Variants in JPH2 observed in about 807,000 individuals in gnomAD.
JPH2 encodes junctophilin 2.
In JPH2, 38 loss-of-function variants were observed where a neutral mutation model predicts 55.9. That is an observed-to-expected ratio of 0.68 (90% CI 0.52 to 0.89). The LOEUF (loss-of-function observed/expected upper bound fraction) is 0.89. JPH2 is among the 40% of genes least tolerant of loss of function. JPH2 has a pLI of 0.00. For missense variants in JPH2, 964 were observed against 1,037.6 expected (o/e 0.93, Z 0.97); for synonymous variants, 480 against 472.4 (o/e 1.02, Z -0.21).
intron 2 of JPH2, among the ~76,000 whole-genome samples, chr20:44,144,800 G>C (rs1242788660): frequency 6.6e-6 from 1 of 152,232 alleles, no homozygotes; most frequent in Non-Finnish European, 1.5e-5. Flanking sequence ...CATGAAATGA[G>C]ACATAGAAGG....
At chr20:44,174,547 G>C (rs570257588) in intron 1 of JPH2, among the ~76,000 whole-genome samples, 1 of 152,336 alleles carries the variant, frequency 6.6e-6, no homozygotes, top group Admixed American at 6.5e-5. Flanking sequence ...GCCAAGGCAG[G>C]CAGATCACTT....
intron 2 of JPH2, among the ~76,000 whole-genome samples, chr20:44,145,374 G>A (rs1344732286): frequency 6.6e-6 from 1 of 152,150 alleles, no homozygotes; most frequent in Non-Finnish European, 1.5e-5. Flanking sequence ...GGAGGCCGAG[G>A]TGGGCGGATC....
At chr20:44,173,751 T>A (rs1012871478) in intron 1 of JPH2, among the ~76,000 whole-genome samples, 1 of 152,074 alleles carries the variant, frequency 6.6e-6, no homozygotes, top group African/African-American at 2.4e-5. Context: ...CTGTCTCTAC[T>A]AAAAACACAA....
intron 2 of JPH2, among the ~76,000 whole-genome samples, chr20:44,157,928 AC>A (rs1280857467): frequency 1.3e-4 from 20 of 152,010 alleles, no homozygotes; most frequent in Non-Finnish European, 2.9e-5. Context: ...CTGCTCCTGT[AC>A]CCCACTTTTG....
At chr20:44,131,914 C>G (rs2072321734) in intron 2 of JPH2, among the ~76,000 whole-genome samples, 1 of 152,186 alleles carries the variant, frequency 6.6e-6, no homozygotes, top group African/African-American at 2.4e-5. Context: ...CTTCAGGACC[C>G]TACCCCAGGA....
intron 2 of JPH2, among the ~76,000 whole-genome samples, chr20:44,125,724 G>A (rs543881158): frequency 5.3e-5 from 8 of 152,240 alleles, no homozygotes; most frequent in South Asian, 2.1e-4. Context: ...GCAAAGAGGC[G>A]GTAACTCTGG....
intron 2 of JPH2, among the ~76,000 whole-genome samples, chr20:44,157,182 A>T (rs1287967425): frequency 6.6e-6 from 1 of 152,112 alleles, no homozygotes; most frequent in Non-Finnish European, 1.5e-5. Context: ...TTCAGGACTG[A>T]AGGACTTATT....
At chr20:44,138,324 C>T (rs570804894) in intron 2 of JPH2, among the ~76,000 whole-genome samples, 19 of 139,768 alleles carry the variant, frequency 1.4e-4, no homozygotes, top group Middle Eastern at 7.2e-3. Flanking sequence ...AGCTTTAATG[C>T]GTCTCTTACA....
intron 1 of JPH2, chr20:44,177,731 G>A (rs529588481): frequency 2.0e-4 from 273 of 1,385,768 alleles, no homozygotes; most frequent in Non-Finnish European, 2.2e-4. Flanking sequence ...AGAACTAAGC[G>A]AATCAAAGTC....
rs568246006 is a variant in JPH2 at position 44,110,984 on chromosome 20, C to G, written c.*2534G>C. Among the ~76,000 whole-genome samples the G allele has an allele frequency of 9.9e-5, 15 of 152,282 alleles. No homozygotes were observed. The highest frequency in any genetic ancestry group is 7.2e-4 in the Admixed American group (11 of 15,296). On this transcript the variant is annotated 3_prime_UTR_variant, in exon 6 of 6. Coordinates refer to ENST00000372980, the MANE Select transcript of JPH2 (RefSeq NM_020433.5). Reference sequence around the variant, plus strand: ...GAGGGACCTTCTTCTCCAACCCCCTCGCTGGGAACCACCGGCTGTGAGAGT... The same window carrying G: ...GAGGGACCTTCTTCTCCAACCCCCTGGCTGGGAACCACCGGCTGTGAGAGT...
chr20:44,176,842 TA>T, intron 1 of JPH2: 1 of 982,822 alleles, frequency 1.0e-6, no homozygotes, highest in Middle Eastern at 5.3e-4. Context: ...CCAATTTAAT[TA>T]AAAATAGAAA....
Position 44,134,657 on chromosome 20 carries a change from AATAT to A in JPH2, c.1170-16038_1170-16035del, listed in dbSNP as rs1212098897. 1.1e-3 allele frequency among the ~76,000 whole-genome samples: 28 copies of A among 26,470 alleles called. 4 individuals are homozygous for A. Among genetic ancestry groups the A allele is most frequent in the African/African-American group, 4.1e-3 (26 of 6,396 alleles). The allele number at this position is 26,470 out of a possible 152,430, so 17.4% of individuals were successfully genotyped here. On this transcript the variant is annotated intron_variant, in intron 2 of 5. Transcript: ENST00000372980. ...TATAAATATATAAATATTTATTATA[AATAT>A]ATATAAATATATATTTATAAATATT...
chr20:44,176,753 C>G (rs1169395975), intron 1 of JPH2: 2 of 528,422 alleles, frequency 3.8e-6, no homozygotes, highest in Non-Finnish European at 4.8e-6. Context: ...GTGATTGTAC[C>G]ATTGCACTCC....
chr20:44,170,998 G>C (rs2072693111), intron 1 of JPH2, among the ~76,000 whole-genome samples: 2 of 152,058 alleles, frequency 1.3e-5, no homozygotes, highest in Non-Finnish European at 2.9e-5. Context: ...TATCCTCCCT[G>C]CCCCCCACTT....
chr20:44,123,531 T>A (rs1314439289), intron 2 of JPH2, among the ~76,000 whole-genome samples: 61 of 152,226 alleles, frequency 4.0e-4, no homozygotes, highest in Non-Finnish European at 1.0e-4. Flanking sequence ...CTACTTAGTA[T>A]GGCCTTCGAG....
chr20:44,115,022 C>G, intron 4 of JPH2, 146 bp from the exon 5 acceptor site: 2 of 708,542 alleles, frequency 2.8e-6, no homozygotes, highest in Non-Finnish European at 5.1e-6. Context: ...TGTATCCTGT[C>G]ACCTGGATGG....
At chr20:44,131,110 C>T (rs1049209627) in intron 2 of JPH2, among the ~76,000 whole-genome samples, 3 of 152,130 alleles carry the variant, frequency 2.0e-5, no homozygotes, top group Admixed American at 2.0e-4. Context: ...TGAGTGTGGG[C>T]TGGACCTAGA....
intron 1 of JPH2, among the ~76,000 whole-genome samples, chr20:44,174,194 C>G (rs1433671309): frequency 6.6e-6 from 1 of 152,162 alleles, no homozygotes; most frequent in African/African-American, 2.4e-5. Context: ...GAAGCTTAGG[C>G]TCAGAGAGGT....
chr20:44,170,133 T>A lies in JPH2; in HGVS notation c.380-9726A>T, dbSNP rs149501289. ...ACGAGGACTAGCTCCTTTCTAGGAG[T>A]CCCCATTGCCTATAGAAGTCCTTAC... is the stretch of plus-strand genomic sequence containing the variant. On this transcript the variant is annotated intron_variant, in intron 1 of 5. Transcript: ENST00000372980. Among the ~76,000 whole-genome samples, 694 of 152,062 alleles carry A rather than the reference T, an allele frequency of 4.6e-3. 6 individuals carry two copies. Among genetic ancestry groups the A allele is most frequent in the African/African-American group, 0.016 (648 of 41,444 alleles).
Sources: allele counts gnomAD v4.1 joint callset (sites outside exome capture counted in the v4.1 genomes callset), GRCh38; gene constraint gnomAD v4.1.1; transcripts MANE v1.5; gene names NCBI Gene and HGNC (gene_info 2026-07-23, HGNC 2026-07-21).